Variants in LHX3 observed in about 807,000 individuals in gnomAD.
LHX3 encodes LIM/homeobox protein Lhx3.
In LHX3, 21 loss-of-function variants were observed where a neutral mutation model predicts 32.4. The ratio of observed to expected loss-of-function variants is 0.65; its 90% CI spans 0.46 to 0.93. The LOEUF (loss-of-function observed/expected upper bound fraction) is 0.93, where lower values mean the gene tolerates loss of function less well. Among genes scored for constraint, LHX3 ranks in the 40% least tolerant of loss-of-function variants. The pLI is 0.00. For missense variants in LHX3, 626 were observed against 560.0 expected, an observed-to-expected ratio of 1.12 and a Z score of -1.19; for synonymous variants, 258 against 246.8, an observed-to-expected ratio of 1.05 and a Z score of -0.43.
At position 136,199,041 on chromosome 9, in the gene LHX3, T is replaced by TTGGCCG. The variant is rs780361765; in HGVS notation, c.467_472dup (p.Thr156_Ala157dup). The TTGGCCG allele has an allele frequency of 7.0e-6, 11 of 1,574,550 alleles. 1 individual carries two copies. The East Asian group carries it at 2.2e-4, about 31-fold the overall frequency. ...GGCGGTGATGGTCGTGCGCGGCCGC[T>TTGGCCG]TGGCCGTGGCCTCGGCCTCTGCGCG... On this transcript the variant is annotated inframe_insertion, in exon 4 of 6. Coordinates refer to ENST00000371748, the MANE Select transcript of LHX3 (RefSeq NM_178138.6).
At chr9:136,197,944 G>A (rs1831538120) in intron 5 of LHX3, among the ~76,000 whole-genome samples, 1 of 152,166 alleles carries the variant, frequency 6.6e-6, no homozygotes, top group Admixed American at 6.5e-5. Flanking sequence ...GTCAGCCCAG[G>A]TGTCTCAGGC....
At chr9:136,198,604 G>GCCGACGCGCGCTCGTCCCCCC in intron 5 of LHX3, 48 bp downstream of exon 5, 1 of 1,541,134 alleles carries the variant, frequency 6.5e-7, no homozygotes, top group African/African-American at 1.4e-5. Context: ...CTGCGACCCC[G>GCCGACGCGCGCTCGTCCCCCC]CCGACGCGCG....
At chr9:136,200,433 C>T (rs968801112) in intron 2 of LHX3, 149 bp downstream of exon 2, 16 of 911,476 alleles carry the variant, frequency 1.8e-5, no homozygotes, top group East Asian at 1.3e-4. Context: ...TTGGCCAGGC[C>T]ACAGGGTGCC....
intron 1 of LHX3, chr9:136,201,029 AG>A (rs1395995050): frequency 1.0e-5 from 10 of 992,962 alleles, no homozygotes; most frequent in Non-Finnish European, 1.3e-5. Context: ...CCATTTCACG[AG>A]GCTGAATACT....
At chr9:136,199,331 G>A (rs1320288655) in intron 3 of LHX3, among the ~76,000 whole-genome samples, 1 of 152,172 alleles carries the variant, frequency 6.6e-6, no homozygotes, top group African/African-American at 2.4e-5. Flanking sequence ...CGGCGCCCCC[G>A]CCTTCAGCCT....
chr9:136,200,179 C>A (rs1037835734), intron 2 of LHX3: 2 of 568,878 alleles, frequency 3.5e-6, no homozygotes, highest in African/African-American at 3.8e-5. Context: ...TCCCTCACAC[C>A]CCACAGCTGG....
Position 136,197,282 on chromosome 9 carries a change from G to T in LHX3, c.*43C>A, listed in dbSNP as rs906878777. The T allele has an allele frequency of 2.5e-6, 4 of 1,604,720 alleles. No individual in the cohort carries two copies. The African/African-American group carries it at 5.3e-5, about 21-fold the overall frequency. On this transcript the variant is annotated 3_prime_UTR_variant, in exon 6 of 6. Transcript: ENST00000371748. ...AGCAGCCCCGAGCCGCCCACCCAGG[G>T]GCAGCTCCCTCGTGTGAGGTGCAGG...
At position 136,196,392 on chromosome 9, in the gene LHX3, G is replaced by C. The variant is rs1831490534; in HGVS notation, c.*933C>G. 1 of 152,522 alleles carries C rather than the reference G, an allele frequency of 6.6e-6. No individual in the cohort carries two copies. Among genetic ancestry groups the C allele is most frequent in the African/African-American group, 2.4e-5 (1 of 41,472 alleles). The allele number at this position is 152,522 out of a possible 1,614,324, so 9.4% of individuals were successfully genotyped here. On this transcript the variant is annotated 3_prime_UTR_variant, in exon 6 of 6. Coordinates refer to ENST00000371748, the MANE Select transcript of LHX3 (RefSeq NM_178138.6). ...GTGACTTTGACTTACACACAGGCCA[G>C]CCTTTGTGTCTGGGGCACGCACAGC...
chr9:136,198,521 T>C (rs987622957), intron 5 of LHX3, 131 bp downstream of exon 5: 6 of 1,078,950 alleles, frequency 5.6e-6, no homozygotes, highest in Non-Finnish European at 7.9e-6. Context: ...GTAAGTGAAA[T>C]GCTTTTGAAA....
At position 136,199,670 on chromosome 9, in the gene LHX3, C is replaced by T; in HGVS notation, c.454+8G>A. ...AGGAAAGGTGGGAGCGTCGTCCCCT[C>T]GGCTGACCTCGCTGCTTGGCGGTTT... On this transcript the variant is annotated splice_region_variant and intron_variant, in intron 3 of 5. Coordinates refer to ENST00000371748, the MANE Select transcript of LHX3 (RefSeq NM_178138.6). 2.5e-6 allele frequency: 4 copies of T among 1,612,736 alleles called. No homozygotes were observed. The highest frequency in any genetic ancestry group is 1.7e-4 in the Middle Eastern group (1 of 6,056).
intron 1 of LHX3, among the ~76,000 whole-genome samples, chr9:136,204,237 T>C (rs577727062): frequency 6.7e-6 from 1 of 150,126 alleles, no homozygotes; most frequent in South Asian, 2.1e-4. Flanking sequence ...GCAGGTCCGA[T>C]GTGTCCGTTT....
In LHX3 at chr9:136,199,700, GTCCGC is replaced by G; in HGVS notation, c.427_431del (p.Ala143LeufsTer110). ...GACCTCGCTGCTTGGCGGTTTCGTA[GTCCGC>G]CTTGCACACGAGCCGGCTGTCCTCC... On this transcript the variant is annotated frameshift_variant, in exon 3 of 6. Transcript: ENST00000371748. LOFTEE classifies it high-confidence loss of function. 2.5e-6 allele frequency: 4 copies of G among 1,612,930 alleles called. No individual in the cohort carries two copies. The highest frequency in any genetic ancestry group is 3.4e-6 in the Non-Finnish European group (4 of 1,179,864).
Position 136,200,721 on chromosome 9 carries a change from T to C in LHX3, c.112A>G (p.Ile38Val), listed in dbSNP as rs1341469393. 6.2e-7 allele frequency: 1 copy of C among 1,613,552 alleles called. No individual in the cohort carries two copies. Among genetic ancestry groups the C allele is most frequent in the South Asian group, 1.1e-5 (1 of 91,084 alleles). The change falls in exon 2 of 6, where the codon ATC (isoleucine) becomes GTC (valine). Residue 38 changes from isoleucine to valine, a missense_variant. Physicochemically the swap from Ile to Val is conservative, Grantham distance 29 (BLOSUM62 3). Transcript: ENST00000371748. ...GCCTTGAGGATGAAGCGGTCCAGGA[T>C]GTGCTGGTCACAGCCAGCGCACAGC... ...IPLCAGCDQH[I>V]LDRFILKALD... is the part of the protein sequence containing the mutation.
chr9:136,199,085 G>A (rs1036161128), intron 3 of LHX3, 26 bp from the exon 4 acceptor site: 1 of 1,397,678 alleles, frequency 7.2e-7, no homozygotes, highest in Non-Finnish European at 9.4e-7. Context: ...GCGGTGAGGC[G>A]CGGCAGCCCC....
At chr9:136,203,140 G>C in intron 1 of LHX3, 2 of 1,391,204 alleles carry the variant, frequency 1.4e-6, no homozygotes, top group Non-Finnish European at 1.9e-6. Context: ...AGCGACTCCG[G>C]GTGCTGCTGG....
In LHX3 at chr9:136,199,048, T is replaced by C; in HGVS notation, c.466A>G (p.Thr156Ala). Residue 156 changes from threonine (T) to alanine (A), a missense_variant, in exon 4 of 6, where the codon ACG (threonine) becomes GCG (alanine). Coordinates refer to ENST00000371748, the MANE Select transcript of LHX3 (RefSeq NM_178138.6). The stretch of plus-strand genomic sequence containing the variant: ...ATGGTCGTGCGCGGCCGCTTGGCCG[T>C]GGCCTCGGCCTCTGCGCGGCGGGCG... ...ETAKQREAEA[T>A]AKRPRTTITA... The C allele has an allele frequency of 6.4e-7, 1 of 1,566,272 alleles. No homozygotes were observed. Among genetic ancestry groups the C allele is most frequent in the Non-Finnish European group, 8.6e-7 (1 of 1,162,800 alleles).
intron 1 of LHX3, among the ~76,000 whole-genome samples, chr9:136,204,344 C>G (rs1007033312): frequency 6.6e-6 from 1 of 152,196 alleles, no homozygotes; most frequent in Non-Finnish European, 1.5e-5. Context: ...GGTGCAAAGC[C>G]GAGTGTGTGC....
At chr9:136,202,616 C>T (rs1391332512) in intron 1 of LHX3, among the ~76,000 whole-genome samples, 1 of 152,158 alleles carries the variant, frequency 6.6e-6, no homozygotes, top group African/African-American at 2.4e-5. Context: ...ACCCTCCTGT[C>T]CCGTGGTCAC....
chr9:136,198,320 T>C (rs1353633233), intron 5 of LHX3, among the ~76,000 whole-genome samples: 1 of 152,152 alleles, frequency 6.6e-6, no homozygotes, highest in Non-Finnish European at 1.5e-5. Flanking sequence ...GCACTGCCCA[T>C]TCTCCTAAAA....
Sources: gnomAD v4.1 joint callset for allele counts (sites outside exome capture counted in the v4.1 genomes callset) on GRCh38, gnomAD v4.1.1 for gene constraint, MANE v1.5 for transcripts, NCBI Gene and HGNC (gene_info 2026-07-23, HGNC 2026-07-21) for gene names.